The following SRD5A2 variants were observed in gnomAD, a reference collection of about 807,000 sequenced individuals.
The protein encoded by SRD5A2 is 3-oxo-5-alpha-steroid 4-dehydrogenase 2.
SRD5A2 carries 30 observed loss-of-function variants against 27.4 expected under a neutral mutation model. That is an observed-to-expected ratio of 1.10 (90% CI 0.82 to 1.49). SRD5A2 has a LOEUF of 1.49. Ranked by LOEUF, SRD5A2 falls within the 40% of genes most tolerant of loss-of-function variation. SRD5A2 has a pLI of 0.00. For synonymous variants in SRD5A2, 141 were observed against 133.6 expected (o/e 1.06, Z -0.38); for missense variants, 348 against 323.4 (o/e 1.08, Z -0.58).
upstream of SRD5A2, among the ~76,000 whole-genome samples, chr2:31,584,828 C>G (rs1234456129): frequency 6.6e-6 from 1 of 152,206 alleles, no homozygotes; most frequent in African/African-American, 2.4e-5. Flanking sequence ...AAAGCTCCTT[C>G]ACAAGAACCA....
the SRD5A2 span, among the ~76,000 whole-genome samples, chr2:31,629,950 T>C: frequency 6.6e-6 from 1 of 152,280 alleles, no homozygotes; most frequent in African/African-American, 2.4e-5. Flanking sequence ...CTCTACACTG[T>C]GTCCTTAGGC....
the SRD5A2 span, among the ~76,000 whole-genome samples, chr2:31,599,744 TCAAAC>T: frequency 6.6e-6 from 1 of 151,506 alleles, no homozygotes; most frequent in East Asian, 1.9e-4. Flanking sequence ...AAAAGCAAGA[TCAAAC>T]CAAACCCAAA....
the SRD5A2 span, among the ~76,000 whole-genome samples, chr2:31,634,669 T>TC: frequency 6.6e-6 from 1 of 152,140 alleles, no homozygotes; most frequent in African/African-American, 2.4e-5. Flanking sequence ...TTCTTTTATT[T>TC]CCTTTTATCC....
At chr2:31,618,328 T>C in the SRD5A2 span, among the ~76,000 whole-genome samples, 1 of 152,120 alleles carries the variant, frequency 6.6e-6, no homozygotes, top group South Asian at 2.1e-4. Flanking sequence ...AGCCAAACCA[T>C]ATCAGTATCC....
chr2:31,551,808 G>C (rs1666385267), intron 1 of SRD5A2, among the ~76,000 whole-genome samples: 2 of 152,154 alleles, frequency 1.3e-5, no homozygotes, highest in African/African-American at 4.8e-5. Flanking sequence ...AATAGTTATA[G>C]TGATCAAGAC....
At chr2:31,567,982 GCCAGGCACAC>G (rs1666770796) in intron 1 of SRD5A2, among the ~76,000 whole-genome samples, 1 of 152,176 alleles carries the variant, frequency 6.6e-6, no homozygotes, top group Non-Finnish European at 1.5e-5. Context: ...ACTGTGCACA[GCCAGGCACAC>G]TGGTTGCTGG....
upstream of SRD5A2, among the ~76,000 whole-genome samples, chr2:31,583,640 C>CAAAAAAAAAAAAAA (rs1246469141): frequency 1.1e-4 from 2 of 18,404 alleles, no homozygotes; most frequent in African/African-American, 3.7e-4. Context: ...AAAAAAAAAG[C>CAAAAAAAAAAAAAA]AAAAAAAAAA....
At chr2:31,646,486 C>T in the SRD5A2 span, among the ~76,000 whole-genome samples, 5 of 152,132 alleles carry the variant, frequency 3.3e-5, no homozygotes, top group Admixed American at 3.3e-4. Flanking sequence ...AAAAAGAGCA[C>T]AGCCCCTCTC....
Position 31,540,923 on chromosome 2 carries a change from A to G in SRD5A2, c.282-7157T>C, listed in dbSNP as rs74821134. Among the ~76,000 whole-genome samples the G allele has an allele frequency of 9.9e-3, 1,515 of 152,342 alleles. 22 individuals carry two copies. The highest frequency in any genetic ancestry group is 0.045 in the South Asian group (217 of 4,820). On this transcript the variant is annotated intron_variant, in intron 1 of 4. Coordinates refer to ENST00000622030, the MANE Select transcript of SRD5A2 (RefSeq NM_000348.4). ...TTGCTGCTTCTGATCAGAGAGGTAC[A>G]GACAAAGAGGTGGTGGGTCTTTGCT... is the stretch of plus-strand genomic sequence containing the variant.
chr2:31,597,850 G>C, the SRD5A2 span, among the ~76,000 whole-genome samples: 1 of 152,086 alleles, frequency 6.6e-6, no homozygotes, highest in Non-Finnish European at 1.5e-5. Flanking sequence ...GTACACTGCT[G>C]GTGGGAATGT....
At chr2:31,608,387 G>T in the SRD5A2 span, among the ~76,000 whole-genome samples, 1 of 151,534 alleles carries the variant, frequency 6.6e-6, no homozygotes, top group South Asian at 2.1e-4. Context: ...GGAAAATTAA[G>T]ATAAAATCTA....
intron 3 of SRD5A2, among the ~76,000 whole-genome samples, chr2:31,530,911 A>T (rs1394223091): frequency 6.6e-6 from 1 of 152,186 alleles, no homozygotes; most frequent in African/African-American, 2.4e-5. Context: ...CTACACCTTT[A>T]AAAGTATATA....
the SRD5A2 span, among the ~76,000 whole-genome samples, chr2:31,592,444 C>A: frequency 6.6e-6 from 1 of 152,174 alleles, no homozygotes; most frequent in South Asian, 2.1e-4. Context: ...CCCACAGAGT[C>A]CACTTCACTC....
At chr2:31,617,643 A>G in the SRD5A2 span, among the ~76,000 whole-genome samples, 1 of 152,142 alleles carries the variant, frequency 6.6e-6, no homozygotes, top group Non-Finnish European at 1.5e-5. Flanking sequence ...CTCTCTCAAG[A>G]TCAAAGTTCC....
chr2:31,626,092 G>A, the SRD5A2 span, among the ~76,000 whole-genome samples: 1 of 152,096 alleles, frequency 6.6e-6, no homozygotes, highest in African/African-American at 2.4e-5. Context: ...TTGTAAGTTG[G>A]ATTCCTAGGT....
chr2:31,568,104 T>C (rs1403281075), intron 1 of SRD5A2, among the ~76,000 whole-genome samples: 1 of 152,080 alleles, frequency 6.6e-6, no homozygotes, highest in Admixed American at 6.5e-5. Flanking sequence ...GGCACCCACA[T>C]CTGGATGAAG....
intron 4 of SRD5A2, among the ~76,000 whole-genome samples, chr2:31,527,871 C>T (rs2148062094): frequency 1.3e-5 from 2 of 152,290 alleles, no homozygotes; most frequent in South Asian, 4.1e-4. Flanking sequence ...GTTAAATCTT[C>T]AAAACTAGGC....
At chr2:31,609,991 G>A in the SRD5A2 span, among the ~76,000 whole-genome samples, 4 of 151,836 alleles carry the variant, frequency 2.6e-5, no homozygotes, top group East Asian at 1.9e-4. Context: ...AAATCTAAAC[G>A]GACCAATAAC....
chr2:31,634,226 C>T, the SRD5A2 span, among the ~76,000 whole-genome samples: 784 of 152,004 alleles, frequency 5.2e-3, 6 homozygotes, highest in African/African-American at 0.018. Flanking sequence ...ATTGTTTTGA[C>T]AGACTTTTTA....
Sources: allele counts gnomAD v4.1 joint callset (sites outside exome capture counted in the v4.1 genomes callset), GRCh38; gene constraint gnomAD v4.1.1; transcripts MANE v1.5; gene names NCBI Gene and HGNC (gene_info 2026-07-23, HGNC 2026-07-21).